Variants in GLDN observed in about 807,000 individuals in gnomAD.
The protein encoded by GLDN is gliomedin.
In GLDN, 47 loss-of-function variants were observed where a neutral mutation model predicts 56.5. The ratio of observed to expected loss-of-function variants is 0.83; its 90% CI spans 0.66 to 1.06. The LOEUF is 1.06. Ranked by LOEUF, GLDN falls within the 50% of genes least tolerant of loss-of-function variation. The pLI, the probability that GLDN is intolerant of heterozygous loss-of-function variation, is 0.00. For missense variants in GLDN, 782 were observed against 714.3 expected (o/e 1.09, Z -1.08); for synonymous variants, 332 against 278.8 (o/e 1.19, Z -1.90).
downstream of GLDN, among the ~76,000 whole-genome samples, chr15:51,411,954 C>T (rs540602987): frequency 6.6e-6 from 1 of 152,302 alleles, no homozygotes; most frequent in South Asian, 2.1e-4. Flanking sequence ...TTAAAGATAG[C>T]TGCACACATA....
intron 3 of GLDN, 121 bp downstream of exon 3, chr15:51,383,574 C>A (rs2037816613): frequency 8.1e-7 from 1 of 1,227,438 alleles, no homozygotes; most frequent in Non-Finnish European, 1.2e-6. Context: ...CTGTGTGTCT[C>A]CTTCTTTGTG....
intron 1 of GLDN, among the ~76,000 whole-genome samples, chr15:51,361,821 T>C (rs1462600713): frequency 6.6e-6 from 1 of 152,134 alleles, no homozygotes; most frequent in Non-Finnish European, 1.5e-5. Flanking sequence ...TTCCAGCTAC[T>C]CAGGAGGCTG....
At chr15:51,354,524 A>G (rs1472642764) in intron 1 of GLDN, among the ~76,000 whole-genome samples, 1 of 152,216 alleles carries the variant, frequency 6.6e-6, no homozygotes, top group Non-Finnish European at 1.5e-5. Flanking sequence ...ATTGAACTCA[A>G]AATGGGCAAT....
At chr15:51,373,658 G>A (rs1271850257) in intron 1 of GLDN, among the ~76,000 whole-genome samples, 2 of 152,336 alleles carry the variant, frequency 1.3e-5, no homozygotes, top group South Asian at 2.1e-4. Context: ...GCTAGGCAAG[G>A]CCAAGACCAG....
intron 9 of GLDN, among the ~76,000 whole-genome samples, chr15:51,402,305 C>G (rs1257453795): frequency 6.6e-6 from 1 of 152,162 alleles, no homozygotes; most frequent in African/African-American, 2.4e-5. Flanking sequence ...AGCCGCTGAG[C>G]CTTCCCCACA....
chr15:51,400,621 C>G, intron 8 of GLDN, 123 bp downstream of exon 8: 1 of 1,094,996 alleles, frequency 9.1e-7, no homozygotes, highest in Non-Finnish European at 1.3e-6. Context: ...TAATAAATGT[C>G]TCTTTATTTT....
intron 2 of GLDN, among the ~76,000 whole-genome samples, chr15:51,377,900 GGAGT>G (rs1419517523): frequency 6.6e-6 from 1 of 152,142 alleles, no homozygotes; most frequent in Non-Finnish European, 1.5e-5. Flanking sequence ...TAGATGTTGC[GGAGT>G]GCTAGAGCAG....
chr15:51,404,373 C>A lies in GLDN; in HGVS notation c.1275C>A (p.Phe425Leu), dbSNP rs555784523. 4 of 1,614,056 alleles carry A rather than the reference C, an allele frequency of 2.5e-6. No individual in the cohort carries two copies. Among genetic ancestry groups the A allele is most frequent in the Non-Finnish European group, 2.5e-6 (3 of 1,180,002 alleles). The change falls in exon 10 of 10, where the codon TTC (phenylalanine) becomes TTA (leucine). Residue 425 changes from phenylalanine to leucine, a missense_variant. Transcript: ENST00000335449. ...TTTTTGCAAATTCCAAAACTTACTT[C>A]AATCTAGCTGTAGATGAAAAGGGCC... Reference protein sequence around the residue: ...KYLFANSKTYFNLAVDEKGLW... With the variant: ...KYLFANSKTYLNLAVDEKGLW...
intron 4 of GLDN, among the ~76,000 whole-genome samples, chr15:51,388,901 TGA>T (rs1210362345): frequency 6.6e-6 from 1 of 152,196 alleles, no homozygotes; most frequent in Non-Finnish European, 1.5e-5. Context: ...GCTCCAAGGC[TGA>T]GTCTTCCTGG....
chr15:51,382,350 C>A (rs185098552), intron 2 of GLDN, among the ~76,000 whole-genome samples: 1 of 152,258 alleles, frequency 6.6e-6, no homozygotes, highest in African/African-American at 2.4e-5. Context: ...AGGATACAGG[C>A]ACCAAGATTT....
Position 51,371,469 on chromosome 15 carries a change from G to A in GLDN, c.364-5980G>A, listed in dbSNP as rs111269650. 3.6e-4 allele frequency among the ~76,000 whole-genome samples: 55 copies of A among 152,306 alleles called. 2 individuals are homozygous for A. Among genetic ancestry groups the A allele is most frequent in the African/African-American group, 1.3e-3 (55 of 41,562 alleles). On this transcript the variant is annotated intron_variant, in intron 1 of 9. Transcript: ENST00000335449. ...CCATCTGATGCCAGGTCAGCAAGAAGTCTGTTCTTTTTCTCCTGGGGCCTC... is the reference window on the plus strand; with the variant it reads ...CCATCTGATGCCAGGTCAGCAAGAAATCTGTTCTTTTTCTCCTGGGGCCTC...
At chr15:51,372,605 G>T (rs2037539395) in intron 1 of GLDN, among the ~76,000 whole-genome samples, 1 of 152,032 alleles carries the variant, frequency 6.6e-6, no homozygotes, top group African/African-American at 2.4e-5. Flanking sequence ...ACTTTTTCCT[G>T]TGCTTCACCC....
At chr15:51,386,401 G>A (rs2037894350) in intron 4 of GLDN, among the ~76,000 whole-genome samples, 1 of 152,132 alleles carries the variant, frequency 6.6e-6, no homozygotes, top group African/African-American at 2.4e-5. Context: ...GAGGCCCCGA[G>A]GCTGCACTTT....
At chr15:51,387,533 G>A (rs1419462045) in intron 4 of GLDN, among the ~76,000 whole-genome samples, 1 of 152,156 alleles carries the variant, frequency 6.6e-6, no homozygotes, top group African/African-American at 2.4e-5. Context: ...CCTTTCCAGA[G>A]CTTTTGGATG....
At chr15:51,400,296 G>A in intron 7 of GLDN, 21 bp downstream of exon 7, 1 of 1,614,120 alleles carries the variant, frequency 6.2e-7, no homozygotes, top group Non-Finnish European at 8.5e-7. Flanking sequence ...AAAGCGTCCT[G>A]TCTTGAAATT....
chr15:51,355,802 C>T lies in GLDN; in HGVS notation c.363+13755C>T, dbSNP rs139584897. On this transcript the variant is annotated intron_variant, in intron 1 of 9. Coordinates refer to ENST00000335449, the MANE Select transcript of GLDN (RefSeq NM_181789.4). ...CCTCCCAAAGTGCTGGGATTACAGG[C>T]GTGAGCCACCACACCCGGCCCTACT... is the stretch of plus-strand genomic sequence containing the variant. 4.0e-3 allele frequency among the ~76,000 whole-genome samples: 603 copies of T among 150,352 alleles called. 6 individuals carry two copies. The highest frequency in any genetic ancestry group is 0.014 in the African/African-American group (562 of 41,114).
At chr15:51,380,138 G>A (rs1000551913) in intron 2 of GLDN, among the ~76,000 whole-genome samples, 1 of 152,286 alleles carries the variant, frequency 6.6e-6, no homozygotes, top group East Asian at 1.9e-4. Context: ...TTCCTAGGAA[G>A]GTGGTGGGAG....
chr15:51,376,713 G>C (rs1404359677), intron 1 of GLDN, among the ~76,000 whole-genome samples: 1 of 151,948 alleles, frequency 6.6e-6, no homozygotes, highest in Non-Finnish European at 1.5e-5. Context: ...TTAAAATTTG[G>C]TGTTTTTTGT....
chr15:51,346,476 G>A (rs971009419), intron 1 of GLDN, among the ~76,000 whole-genome samples: 1 of 152,136 alleles, frequency 6.6e-6, no homozygotes, highest in African/African-American at 2.4e-5. Context: ...CAAGCCCTCT[G>A]GGAAAAGATA....
Sources: gnomAD v4.1 joint callset for allele counts (sites outside exome capture counted in the v4.1 genomes callset) on GRCh38, gnomAD v4.1.1 for gene constraint, MANE v1.5 for transcripts, NCBI Gene and HGNC (gene_info 2026-07-23, HGNC 2026-07-21) for gene names.